Variants in EHMT1 observed in about 807,000 individuals in gnomAD.
EHMT1 encodes the protein euchromatic histone lysine methyltransferase 1.
A neutral mutation model predicts 147.2 loss-of-function variants in EHMT1; 15 were observed. The observed-to-expected ratio is 0.10, with a 90% CI of 0.07 to 0.16. EHMT1 has a LOEUF of 0.16. Among genes scored for constraint, EHMT1 ranks in the 10% least tolerant of loss-of-function variants. The pLI, the probability that EHMT1 is intolerant of heterozygous loss-of-function variation, is 1.00. For synonymous variants in EHMT1, 795 were observed against 709.6 expected (o/e 1.12, Z -1.91); for missense variants, 1,587 against 1,772.4 (o/e 0.90, Z 1.88).
chr9:137,666,904 A>G (rs990270077), intron 1 of EHMT1: 1 of 152,190 alleles, frequency 6.6e-6, no homozygotes, highest in African/African-American at 2.4e-5. Context: ...TTAATTAATT[A>G]ATTAATTGTA....
chr9:137,778,045 G>T lies in EHMT1; in HGVS notation c.2182G>T (p.Asp728Tyr). Reference sequence around the variant, plus strand: ...CTTGGAGAGCGCTCTCATCGCCCTCGACTCGGAAAAGTAAGACCTGACATG... The same window carrying T: ...CTTGGAGAGCGCTCTCATCGCCCTCTACTCGGAAAAGTAAGACCTGACATG... ...ETLESALIAL[D>Y]SEKPKKLRFH... Residue 728 changes from aspartate to tyrosine, a missense_variant, in exon 13 of 27, where the codon GAC (aspartate) becomes TAC (tyrosine). By Grantham distance (160) the Asp-to-Tyr change is radical. Around this residue, in one of 7 missense-constraint regions of EHMT1, gnomAD observed 201 missense variants for 350.1 expected, o/e 0.57. Transcript: ENST00000460843. 1 of 1,613,786 alleles carries T rather than the reference G, an allele frequency of 6.2e-7. No homozygotes were observed. The highest frequency in any genetic ancestry group is 1.1e-5 in the South Asian group (1 of 91,056).
intron 17 of EHMT1, among the ~76,000 whole-genome samples, chr9:137,799,977 C>G (rs1953318277): frequency 6.6e-6 from 1 of 152,178 alleles, no homozygotes; most frequent in African/African-American, 2.4e-5. Flanking sequence ...TTCCCAGTGC[C>G]TGTGGTGGTG....
At chr9:137,748,580 T>C (rs1234730192) in intron 6 of EHMT1, among the ~76,000 whole-genome samples, 2 of 152,214 alleles carry the variant, frequency 1.3e-5, no homozygotes, top group Non-Finnish European at 2.9e-5. Context: ...CAGGTTGCCT[T>C]CTTCCCCACC....
In EHMT1 at chr9:137,776,592, AT is replaced by A. The variant is rs775425960; in HGVS notation, c.1792-17del. The stretch of plus-strand genomic sequence containing the variant: ...AATATTAACCCCAATTAAAACAAAA[AT>A]TTTTTTTTGTCCTCCCATTTTTAGG... On this transcript the variant is annotated intron_variant, in intron 11 of 26. Coordinates refer to ENST00000460843, the MANE Select transcript of EHMT1 (RefSeq NM_024757.5). This position sits in a 1 kb window ranked among gnomAD's most constrained non-coding sequence, Gnocchi z 4.4. 166 of 1,601,250 alleles carry A rather than the reference AT, an allele frequency of 1.0e-4. No homozygotes were observed. The highest frequency in any genetic ancestry group is 3.3e-4 in the Middle Eastern group (2 of 6,068).
intron 1 of EHMT1, chr9:137,651,050 G>A (rs1367524707): frequency 6.6e-6 from 1 of 152,094 alleles, no homozygotes; most frequent in Non-Finnish European, 1.5e-5. Context: ...AGGTGACAGA[G>A]TGAGACCCTA....
intron 18 of EHMT1, among the ~76,000 whole-genome samples, chr9:137,806,909 G>A (rs1204430169): frequency 6.6e-6 from 1 of 152,208 alleles, no homozygotes; most frequent in Non-Finnish European, 1.5e-5. Context: ...TTATTTCTCT[G>A]TGTATAATGT....
rs1955957558 is a variant in EHMT1, at chr9:137,828,324, C to T, written c.3541-6025C>T. Reference sequence around the variant, plus strand: ...TCCCCAAAGATGCCCTGGACATGCCCTGGGGTGGGGGGTGGGGGGCAGCAC... The same window carrying T: ...TCCCCAAAGATGCCCTGGACATGCCTTGGGGTGGGGGGTGGGGGGCAGCAC... On this transcript the variant is annotated intron_variant, in intron 25 of 26. Transcript: ENST00000460843. This position sits in a 1 kb window ranked among gnomAD's most constrained non-coding sequence, Gnocchi z 5.3. 2.7e-5 allele frequency among the ~76,000 whole-genome samples: 4 copies of T among 150,250 alleles called. No homozygotes were observed. Among genetic ancestry groups the T allele is most frequent in the African/African-American group, 9.8e-5 (4 of 40,766 alleles).
At chr9:137,721,031 G>C (rs73570069) in intron 3 of EHMT1, among the ~76,000 whole-genome samples, 7,669 of 151,764 alleles carry the variant, frequency 0.051, 640 homozygotes, top group African/African-American at 0.17. Context: ...GCCAGCGTTA[G>C]CTCTTACCCA....
At chr9:137,827,444 G>GGACCCCA (rs1049335735) in intron 25 of EHMT1, among the ~76,000 whole-genome samples, 14 of 151,990 alleles carry the variant, frequency 9.2e-5, no homozygotes, top group African/African-American at 2.2e-4. Context: ...ACCCACGCCC[G>GGACCCCA]GACCCCAGAC....
intron 15 of EHMT1, chr9:137,784,354 G>A: frequency 7.8e-7 from 1 of 1,283,828 alleles, no homozygotes; most frequent in Non-Finnish European, 9.9e-7. Context: ...AACCTCATTG[G>A]GGCCCCCAGC....
chr9:137,708,158 G>T (rs1944415533), intron 1 of EHMT1, among the ~76,000 whole-genome samples: 1 of 152,192 alleles, frequency 6.6e-6, no homozygotes, highest in African/African-American at 2.4e-5. Flanking sequence ...AAAAAACTCA[G>T]TTGAATGGCA....
chr9:137,791,774 C>G (rs1319994998), intron 16 of EHMT1, among the ~76,000 whole-genome samples: 1 of 152,178 alleles, frequency 6.6e-6, no homozygotes, highest in Non-Finnish European at 1.5e-5. Flanking sequence ...CTCTGTCACC[C>G]AGATTGGAGT....
At chr9:137,630,416 CT>C (rs1480784920) in intron 1 of EHMT1, among the ~76,000 whole-genome samples, 1 of 151,974 alleles carries the variant, frequency 6.6e-6, no homozygotes, top group Non-Finnish European at 1.5e-5. Flanking sequence ...TAGTCTAGGT[CT>C]TTTTTTTCCT....
In EHMT1 at chr9:137,697,020, C is replaced by T. The variant is rs144027089; in HGVS notation, c.22-13947C>T. Reference sequence around the variant, plus strand: ...CAGAGACTGGGTGTGGGGACTCACACCTGTGATCCCAGCACTCTGGGAGGC... The same window carrying T: ...CAGAGACTGGGTGTGGGGACTCACATCTGTGATCCCAGCACTCTGGGAGGC... On this transcript the variant is annotated intron_variant, in intron 1 of 26. Transcript: ENST00000460843. 665 of 287,036 alleles carry T rather than the reference C, an allele frequency of 2.3e-3. 9 individuals carry two copies. The highest frequency in any genetic ancestry group is 0.014 in the African/African-American group (624 of 43,912). The allele number at this position is 287,036 out of a possible 1,614,324, so 17.8% of individuals were successfully genotyped here. A position where few individuals can be genotyped will look rare whatever the true frequency, so the allele number is the denominator to read the frequency against.
chr9:137,678,808 C>G (rs1435822416), intron 1 of EHMT1, among the ~76,000 whole-genome samples: 3 of 148,958 alleles, frequency 2.0e-5, no homozygotes, highest in Non-Finnish European at 4.4e-5. Context: ...CAGCAGCTGG[C>G]AGATGGGCAT....
chr9:137,699,323 A>G (rs1017906537), intron 1 of EHMT1, among the ~76,000 whole-genome samples: 2 of 152,220 alleles, frequency 1.3e-5, no homozygotes, highest in Admixed American at 1.3e-4. Flanking sequence ...AGAGGTGTCT[A>G]TTTGTAGATG....
At chr9:137,735,121 A>T (rs1216258141) in intron 4 of EHMT1, among the ~76,000 whole-genome samples, 3 of 152,278 alleles carry the variant, frequency 2.0e-5, no homozygotes, top group African/African-American at 7.2e-5. Context: ...TCTGCAAGCT[A>T]GTATCATTGC....
chr9:137,810,273 TC>T (rs574190726), intron 18 of EHMT1, among the ~76,000 whole-genome samples: 5 of 151,558 alleles, frequency 3.3e-5, no homozygotes, highest in Admixed American at 2.0e-4. Flanking sequence ...CGGAGGCGGT[TC>T]CGATGCCGCC....
At chr9:137,621,369 C>G (rs1157673276) in intron 1 of EHMT1, among the ~76,000 whole-genome samples, 1 of 152,098 alleles carries the variant, frequency 6.6e-6, no homozygotes, top group African/African-American at 2.4e-5. Flanking sequence ...ATTTCTTTTC[C>G]TTGATTTACA....
Sources: allele counts gnomAD v4.1 joint callset (sites outside exome capture counted in the v4.1 genomes callset), GRCh38; gene constraint gnomAD v4.1.1; regional missense constraint gnomAD v4.1.1; non-coding constraint Gnocchi (gnomAD v3.1); transcripts MANE v1.5; gene names NCBI Gene and HGNC (gene_info 2026-07-23, HGNC 2026-07-21).